The following THOC1 variants were observed in gnomAD, a reference collection of about 807,000 sequenced individuals.
THOC1 encodes the protein THO complex subunit 1, also known as THO complex 1.
A neutral mutation model predicts 97.3 loss-of-function variants in THOC1; 29 were observed. The observed-to-expected ratio is 0.30, with a 90% CI of 0.22 to 0.41. The LOEUF (loss-of-function observed/expected upper bound fraction) is 0.41, where lower values mean the gene tolerates loss of function less well. THOC1 is among the 10% of genes least tolerant of loss of function. THOC1 has a pLI of 1.00. For missense variants in THOC1, 529 were observed against 761.9 expected (o/e 0.69, Z 3.60); for synonymous variants, 255 against 257.0 (o/e 0.99, Z 0.07).
intron 4 of THOC1, chr18:261,015 T>A (rs562200380): frequency 2.6e-5 from 4 of 152,216 alleles, no homozygotes; most frequent in African/African-American, 9.6e-5. Flanking sequence ...TGTTTTGTAA[T>A]GTTGCTAAAT....
At chr18:259,455 A>G (rs533128402) in intron 6 of THOC1, among the ~76,000 whole-genome samples, 180 bp from the exon 7 acceptor site, 2 of 152,274 alleles carry the variant, frequency 1.3e-5, no homozygotes, top group African/African-American at 4.8e-5. Context: ...AACAAGTTCA[A>G]CATGACATGA....
intron 9 of THOC1, among the ~76,000 whole-genome samples, chr18:249,614 A>G (rs1172297621): frequency 2.6e-5 from 4 of 151,896 alleles, no homozygotes; most frequent in Non-Finnish European, 2.9e-5. Context: ...GTGAGCCGAG[A>G]TCACAGCACT....
chr18:222,597 A>G (rs1208489308), intron 17 of THOC1, among the ~76,000 whole-genome samples: 3 of 152,210 alleles, frequency 2.0e-5, no homozygotes, highest in Non-Finnish European at 4.4e-5. Flanking sequence ...AGAAAGCAAT[A>G]CAGAAGGAGC....
rs190709660 is a variant in THOC1, at chr18:223,849, C to T, written c.1304+235G>A. Among the ~76,000 whole-genome samples the T allele has an allele frequency of 3.4e-4, 51 of 152,014 alleles. 1 individual carries two copies. Among genetic ancestry groups the T allele is most frequent in the East Asian group, 3.9e-4 (2 of 5,168 alleles). Reference sequence around the variant, plus strand: ...ATCTAAACAATTCTACTGTCTGAAACGGAAAAAATGGCACAGCCTAGAGAC... The same window carrying T: ...ATCTAAACAATTCTACTGTCTGAAATGGAAAAAATGGCACAGCCTAGAGAC... On this transcript the variant is annotated intron_variant, in intron 16 of 20. Transcript: ENST00000261600.
At chr18:248,247 T>C (rs546792674) in intron 9 of THOC1, among the ~76,000 whole-genome samples, 1 of 152,362 alleles carries the variant, frequency 6.6e-6, no homozygotes, top group South Asian at 2.1e-4. Context: ...CGCATGGTCA[T>C]GTGATTAAAT....
In THOC1 at chr18:214,804, A is replaced by T; in HGVS notation, c.1796T>A (p.Ile599Asn). 1 of 1,613,890 alleles carries T rather than the reference A, an allele frequency of 6.2e-7. No individual in the cohort carries two copies. ...TTCACTGTCACACTCAATCTGCCTA[A>T]TTTCTGAGTCTTTCATTTCCAAGTA... ...APYLEMKDSE[I>N]RQIECDSEDM... The change falls in exon 21 of 21, where the codon ATT (isoleucine) becomes AAT (asparagine). Residue 599 changes from isoleucine (I) to asparagine (N), a missense_variant. By Grantham distance (149) the Ile-to-Asn change is moderately radical. Coordinates refer to ENST00000261600, the MANE Select transcript of THOC1 (RefSeq NM_005131.3).
At chr18:215,352 TTAAA>T (rs1351418508) in intron 20 of THOC1, 73 bp downstream of exon 20, 23 of 1,100,272 alleles carry the variant, frequency 2.1e-5, no homozygotes, top group South Asian at 1.2e-4. Context: ...GTCGATCAAA[TTAAA>T]TAATGTACCT....
intron 4 of THOC1, among the ~76,000 whole-genome samples, chr18:261,573 A>G (rs1912606869): frequency 6.6e-6 from 1 of 152,224 alleles, no homozygotes; most frequent in African/African-American, 2.4e-5. Context: ...ATGATTCAGC[A>G]GAGGCTGAAT....
At chr18:224,359 A>C (rs186839371) in intron 15 of THOC1, among the ~76,000 whole-genome samples, 180 bp from the exon 16 acceptor site, 34 of 152,182 alleles carry the variant, frequency 2.2e-4, no homozygotes, top group African/African-American at 7.9e-4. Context: ...TAGGTGGATC[A>C]CCTGAGGTCA....
At chr18:262,725 T>G (rs752209715) in intron 4 of THOC1, among the ~76,000 whole-genome samples, 10 of 152,214 alleles carry the variant, frequency 6.6e-5, no homozygotes, top group Non-Finnish European at 1.0e-4. Context: ...TTTATGAACT[T>G]AAGTTCATAA....
At chr18:231,761 G>A (rs999132732) in intron 11 of THOC1, among the ~76,000 whole-genome samples, 2 of 151,922 alleles carry the variant, frequency 1.3e-5, no homozygotes, top group East Asian at 1.9e-4. Context: ...TGTATTTCAC[G>A]GTTAGGATTT....
chr18:216,726 G>A, intron 18 of THOC1, 93 bp from the exon 19 acceptor site: 1 of 1,407,704 alleles, frequency 7.1e-7, no homozygotes, highest in Non-Finnish European at 9.3e-7. Context: ...TGTATTTAAG[G>A]TAAATAGCTC....
chr18:236,502 G>C (rs1192456260), intron 11 of THOC1, among the ~76,000 whole-genome samples: 2 of 138,564 alleles, frequency 1.4e-5, no homozygotes, highest in African/African-American at 5.5e-5. Context: ...AACTACAGGC[G>C]CCCGCTACCA....
chr18:266,833 G>A (rs943141621), intron 1 of THOC1, among the ~76,000 whole-genome samples: 4 of 152,052 alleles, frequency 2.6e-5, no homozygotes, highest in African/African-American at 7.2e-5. Flanking sequence ...CACTGCGCCC[G>A]GCCGCCAATA....
intron 9 of THOC1, 41 bp from the exon 10 acceptor site, chr18:247,998 C>A (rs754179678): frequency 2.7e-5 from 33 of 1,245,018 alleles, no homozygotes; most frequent in Non-Finnish European, 3.7e-5. Flanking sequence ...CATTCAAATT[C>A]TTTTACAAAT....
At chr18:233,634 T>C (rs952082028) in intron 11 of THOC1, among the ~76,000 whole-genome samples, 2 of 152,212 alleles carry the variant, frequency 1.3e-5, no homozygotes, top group Non-Finnish European at 2.9e-5. Flanking sequence ...TAGTTTATAA[T>C]GCAATCTTCT....
chr18:262,906 A>G (rs57883336), intron 4 of THOC1, among the ~76,000 whole-genome samples: 5 of 152,174 alleles, frequency 3.3e-5, no homozygotes, highest in African/African-American at 9.7e-5. Context: ...CTGATAAACT[A>G]ATTTTTTATT....
chr18:219,007 ATTC>A (rs1567841881), intron 17 of THOC1, 38 bp from the exon 18 acceptor site: 1 of 1,211,100 alleles, frequency 8.3e-7, no homozygotes, highest in South Asian at 1.4e-5. Context: ...GATGGCATAT[ATTC>A]TTAATAATAA....
At chr18:248,688 C>T (rs899469379) in intron 9 of THOC1, among the ~76,000 whole-genome samples, 5 of 152,052 alleles carry the variant, frequency 3.3e-5, no homozygotes, top group African/African-American at 4.8e-5. Flanking sequence ...TTTATTATGG[C>T]ACTACTAATT....
Sources: gnomAD v4.1 joint callset for allele counts (sites outside exome capture counted in the v4.1 genomes callset) on GRCh38, gnomAD v4.1.1 for gene constraint, MANE v1.5 for transcripts, NCBI Gene and HGNC (gene_info 2026-07-23, HGNC 2026-07-21) for gene names.